Variants in EXOC1 observed in about 807,000 individuals in gnomAD.
EXOC1 encodes SEC3-like 1.
Under a neutral mutation model 107.7 loss-of-function variants are expected in EXOC1, and 67 were observed. That is an observed-to-expected ratio of 0.62 (90% CI 0.51 to 0.76). The LOEUF (loss-of-function observed/expected upper bound fraction) is 0.76. EXOC1 is among the 30% of genes least tolerant of loss of function. The pLI, the probability that EXOC1 is intolerant of heterozygous loss-of-function variation, is 0.00. For synonymous variants in EXOC1, 348 were observed against 353.5 expected, an observed-to-expected ratio of 0.98 and a Z score of 0.17; for missense variants, 833 against 1,055.7, an observed-to-expected ratio of 0.79 and a Z score of 2.92.
chr4:55,890,619 A>G (rs1311571592), intron 12 of EXOC1, among the ~76,000 whole-genome samples: 5 of 152,320 alleles, frequency 3.3e-5, no homozygotes, highest in African/African-American at 1.2e-4. Context: ...ATTTGTTATA[A>G]ATCATAAAAT....
intron 4 of EXOC1, among the ~76,000 whole-genome samples, chr4:55,866,528 A>G (rs904592231): frequency 6.6e-6 from 1 of 152,184 alleles, no homozygotes; most frequent in South Asian, 2.1e-4. Flanking sequence ...GGCTACATGC[A>G]TGAGTCACAA....
At chr4:55,860,821 C>CTTGT (rs376714834) in intron 3 of EXOC1, among the ~76,000 whole-genome samples, 70 of 151,116 alleles carry the variant, frequency 4.6e-4, no homozygotes, top group African/African-American at 1.5e-3. Context: ...GTTTTTTTTG[C>CTTGT]TTGTTTGTTT....
In EXOC1 at chr4:55,882,201, T is replaced by G. The variant is rs574701383; in HGVS notation, c.1225-1622T>G. 3.3e-5 allele frequency among the ~76,000 whole-genome samples: 5 copies of G among 152,306 alleles called. No individual in the cohort carries two copies. The South Asian group carries it at 1.0e-3, about 32-fold the overall frequency. On this transcript the variant is annotated intron_variant, in intron 9 of 18. Coordinates refer to ENST00000381295, the MANE Select transcript of EXOC1 (RefSeq NM_001024924.2). ...TGACACCCAGGCTGGAATGCAGTGA[T>G]GTGATCACAGCTCACTGCAGCCTCA...
At position 55,902,435 on chromosome 4, in the gene EXOC1, G is replaced by A. The variant is rs770669428; in HGVS notation, c.2429G>A (p.Arg810His). ...CTTGCATTTAACAAACAAGAACTTC[G>A]TAAAGTCATTAAGGAGTACCCTGGA... The part of the protein sequence containing the change: ...YQLAFNKQEL[R>H]KVIKEYPGKE... The change falls in exon 18 of 19, where the codon CGT (arginine) becomes CAT (histidine). Residue 810 changes from arginine to histidine, a missense_variant. Arg to His is a conservative substitution (Grantham distance 29, BLOSUM62 0). This residue lies in a region of EXOC1 where 216 missense variants were observed against 354.4 expected (regional missense o/e 0.61). Transcript: ENST00000381295. 1.9e-6 allele frequency: 3 copies of A among 1,590,514 alleles called. No homozygotes were observed. Among genetic ancestry groups the A allele is most frequent in the Non-Finnish European group, 1.7e-6 (2 of 1,169,926 alleles).
chr4:55,869,361 G>C (rs1185341173), intron 5 of EXOC1, among the ~76,000 whole-genome samples: 3 of 152,126 alleles, frequency 2.0e-5, no homozygotes, highest in Non-Finnish European at 4.4e-5. Context: ...GTGACACTCT[G>C]TCTCAAAACA....
At position 55,902,311 on chromosome 4, in the gene EXOC1, T is replaced by A. The variant is rs180856897; in HGVS notation, c.2338-33T>A. ...TAATGTAAATAATAATAAATGCAGG[T>A]CTTAGCCATTGTTTCTTTTCATTTC... On this transcript the variant is annotated intron_variant, in intron 17 of 18. Transcript: ENST00000381295. 9.3e-6 allele frequency: 13 copies of A among 1,395,978 alleles called. No homozygotes were observed. The Admixed American group carries it at 3.2e-4, about 35-fold the overall frequency. The allele number at this position is 1,395,978 out of a possible 1,614,324, so 86.5% of individuals were successfully genotyped here.
intron 10 of EXOC1, among the ~76,000 whole-genome samples, chr4:55,886,575 C>CAA: frequency 1.0e-5 from 1 of 96,224 alleles, no homozygotes; most frequent in African/African-American, 3.9e-5. Flanking sequence ...AACAAAAAAA[C>CAA]AAAAAAAAAA....
chr4:55,898,414 TAG>T (rs1255076194), intron 16 of EXOC1, among the ~76,000 whole-genome samples: 1 of 152,224 alleles, frequency 6.6e-6, no homozygotes, highest in Non-Finnish European at 1.5e-5. Flanking sequence ...ACTGCAACAG[TAG>T]AGATATTCCC....
rs139690616 is a variant in EXOC1, at chr4:55,866,883, G to A, written c.416-1453G>A. The A allele has an allele frequency of 1.1e-3, 1,114 of 985,162 alleles. 8 individuals carry two copies. In the African/African-American group the frequency reaches 0.018, roughly 16 times the overall value. The allele number at this position is 985,162 out of a possible 1,614,324, so 61.0% of individuals were successfully genotyped here. Reference sequence around the variant, plus strand: ...TTTTTACTCTCCAGAACTGCCTAAAGTTACAGAAGGTGCGTAACACCTTTT... The same window carrying A: ...TTTTTACTCTCCAGAACTGCCTAAAATTACAGAAGGTGCGTAACACCTTTT... On this transcript the variant is annotated intron_variant, in intron 4 of 18. Coordinates refer to ENST00000381295, the MANE Select transcript of EXOC1 (RefSeq NM_001024924.2).
intron 8 of EXOC1, chr4:55,875,437 A>C: frequency 1.0e-6 from 1 of 982,826 alleles, no homozygotes; most frequent in Non-Finnish European, 1.2e-6. Context: ...ATTTATTCAA[A>C]TTTTGACCCC....
chr4:55,893,625 T>G lies in EXOC1; in HGVS notation c.1798T>G (p.Leu600Val), dbSNP rs1316893071. 6.2e-7 allele frequency: 1 copy of G among 1,613,936 alleles called. No homozygotes were observed. Among genetic ancestry groups the G allele is most frequent in the African/African-American group, 1.3e-5 (1 of 74,924 alleles). The stretch of plus-strand genomic sequence containing the variant: ...GCCAGAGCTGAACAACCTAATTGCA[T>G]TAGGAGACAAAATTGATAGCTTTAA... ...IEPELNNLIA[L>V]GDKIDSFNSL... The change falls in exon 15 of 19, where the codon TTA becomes GTA. Residue 600 changes from leucine to valine, a missense_variant. Coordinates refer to ENST00000381295, the MANE Select transcript of EXOC1 (RefSeq NM_001024924.2).
At position 55,903,512 on chromosome 4, in the gene EXOC1, G is replaced by A. The variant is rs551761382; in HGVS notation, c.2533-831G>A. 3.3e-5 allele frequency among the ~76,000 whole-genome samples: 5 copies of A among 152,328 alleles called. No homozygotes were observed. In the South Asian group the frequency reaches 1.0e-3, roughly 32 times the overall value. On this transcript the variant is annotated intron_variant, in intron 18 of 18. Coordinates refer to ENST00000381295, the MANE Select transcript of EXOC1 (RefSeq NM_001024924.2). ...AAAGCATAACACTGCTTAGGGAATA[G>A]CGATTGGTCTTAAGTTGGCAGGAAT...
intron 4 of EXOC1, among the ~76,000 whole-genome samples, chr4:55,865,760 C>G (rs1315256255): frequency 6.6e-6 from 1 of 151,452 alleles, no homozygotes; most frequent in Non-Finnish European, 1.5e-5. Context: ...GGATCTGCCT[C>G]ATTAAGAAAT....
Position 55,891,413 on chromosome 4 carries a change from T to C in EXOC1, c.1638T>C (p.Pro546=). 6.2e-7 allele frequency: 1 copy of C among 1,601,750 alleles called. No homozygotes were observed. Among genetic ancestry groups the C allele is most frequent in the Non-Finnish European group, 8.6e-7 (1 of 1,168,882 alleles). ...FFKLQQHQSM[P]GTMAEAEDLD... is the part of the protein sequence containing the mutation. ...AACTACAGCAACATCAAAGTATGCC[T>C]GGAACTATGGTATGGCTCACAGTGT... Residue 546 remains proline, a synonymous_variant, in exon 13 of 19, where the codon CCT becomes CCC. Coordinates refer to ENST00000381295, the MANE Select transcript of EXOC1 (RefSeq NM_001024924.2).
chr4:55,871,831 A>G lies in EXOC1; in HGVS notation c.965-18A>G. On this transcript the variant is annotated intron_variant, in intron 7 of 18. Transcript: ENST00000381295. ...TTTTTACCCATTAAACTGGTCACAA[A>G]ATGTCGTTCTGTGTCAGGCCATGAC... 1 of 1,609,156 alleles carries G rather than the reference A, an allele frequency of 6.2e-7. No individual in the cohort carries two copies. The highest frequency in any genetic ancestry group is 8.5e-7 in the Non-Finnish European group (1 of 1,177,148).
At chr4:55,864,562 A>T (rs996422724) in intron 4 of EXOC1, among the ~76,000 whole-genome samples, 176 bp downstream of exon 4, 1 of 152,192 alleles carries the variant, frequency 6.6e-6, no homozygotes. Context: ...ATACATTATG[A>T]TAAATAAATA....
chr4:55,876,920 T>C, intron 8 of EXOC1: 1 of 985,306 alleles, frequency 1.0e-6, no homozygotes, highest in Non-Finnish European at 1.2e-6. Context: ...GATAATGATG[T>C]GGGTTTTTGT....
Position 55,886,580 on chromosome 4 carries a change from A to AAACAAAAG in EXOC1, c.1331-2306_1331-2305insCAAAAGAA, listed in dbSNP as rs1182949216. On this transcript the variant is annotated intron_variant, in intron 10 of 18. Transcript: ENST00000381295. ...AAAACAAAAAAACAAAAAAACAAAA[A>AAACAAAAG]AAAAAAAAACAAGAAATGTAACCCC... is the stretch of plus-strand genomic sequence containing the variant. 3.3e-5 allele frequency among the ~76,000 whole-genome samples: 5 copies of AAACAAAAG among 151,878 alleles called. No homozygotes were observed. In the East Asian group the frequency reaches 9.7e-4, roughly 29 times the overall value.
chr4:55,893,650 ACT>A lies in EXOC1; in HGVS notation c.1828_1829del (p.Met612ValfsTer36). On this transcript the variant is annotated frameshift_variant, in exon 15 of 19. Transcript: ENST00000381295. LOFTEE classifies it high-confidence loss of function. ...TTAGGAGACAAAATTGATAGCTTTA[ACT>A]CTCTTTATATGTTAGTCAAAATGAG... The A allele has an allele frequency of 6.2e-7, 1 of 1,614,022 alleles. No individual in the cohort carries two copies. Among genetic ancestry groups the A allele is most frequent in the South Asian group, 1.1e-5 (1 of 91,072 alleles).
Sources: gnomAD v4.1 joint callset for allele counts (sites outside exome capture counted in the v4.1 genomes callset) on GRCh38, gnomAD v4.1.1 for gene constraint, gnomAD v4.1.1 regional missense constraint, MANE v1.5 for transcripts, NCBI Gene and HGNC (gene_info 2026-07-23, HGNC 2026-07-21) for gene names.